The following FILIP1L variants were observed in gnomAD, a reference collection of about 807,000 sequenced individuals.
FILIP1L encodes filamin A interacting protein 1 like, also known as filamin A-interacting protein 1-like.
A neutral mutation model predicts 96.6 loss-of-function variants in FILIP1L; 55 were observed. That is an observed-to-expected ratio of 0.57 (90% CI 0.46 to 0.71). The LOEUF (loss-of-function observed/expected upper bound fraction) is 0.71, where lower values mean the gene tolerates loss of function less well. FILIP1L is among the 30% of genes least tolerant of loss of function. The pLI is 0.00. For synonymous variants in FILIP1L, 467 were observed against 473.9 expected (o/e 0.99, Z 0.19); for missense variants, 1,304 against 1,321.2 (o/e 0.99, Z 0.20).
intron 4 of FILIP1L, among the ~76,000 whole-genome samples, chr3:99,910,600 GT>G (rs1366442452): frequency 7.4e-6 from 1 of 136,008 alleles, no homozygotes; most frequent in East Asian, 2.0e-4. Flanking sequence ...GGAGTATTAT[GT>G]TTTAGCCCTT....
chr3:99,867,435 A>C (rs2107572737), intron 4 of FILIP1L, among the ~76,000 whole-genome samples: 1 of 152,220 alleles, frequency 6.6e-6, no homozygotes, highest in East Asian at 1.9e-4. Flanking sequence ...TTTTTGAAAA[A>C]AGCTCTGGCT....
At chr3:100,026,305 G>A (rs1196791576) in intron 1 of FILIP1L, among the ~76,000 whole-genome samples, 1 of 152,070 alleles carries the variant, frequency 6.6e-6, no homozygotes. Context: ...GTAGAACTTT[G>A]GGCAGGGATC....
intron 1 of FILIP1L, among the ~76,000 whole-genome samples, chr3:99,961,003 C>T (rs1399334248): frequency 6.6e-6 from 1 of 152,006 alleles, no homozygotes; most frequent in Non-Finnish European, 1.5e-5. Flanking sequence ...GTGTGCAGAT[C>T]GCAGGTTTTA....
chr3:100,062,093 CTTTTTTTTTTTTTT>C (rs71907944), intron 1 of FILIP1L, among the ~76,000 whole-genome samples: 367 of 53,148 alleles, frequency 6.9e-3, no homozygotes, highest in Non-Finnish European at 8.6e-3. Flanking sequence ...CTGTCTTCTT[CTTTTTTTTTTTTTT>C]TTTTTTTTTT....
rs572266079 is a variant in FILIP1L, at chr3:99,995,468, C to T, written c.-10-64438G>A. 2.6e-5 allele frequency among the ~76,000 whole-genome samples: 4 copies of T among 152,300 alleles called. No individual in the cohort carries two copies. The East Asian group carries it at 7.7e-4, about 29-fold the overall frequency. On this transcript the variant is annotated intron_variant, in intron 1 of 5. Transcript: ENST00000477258. ...CTGCTGCTTTTCCAGGAGCATGGTGCAAGCTGTTGGTGGATCTTCCATTCT... is the reference window on the plus strand; with the variant it reads ...CTGCTGCTTTTCCAGGAGCATGGTGTAAGCTGTTGGTGGATCTTCCATTCT...
intron 5 of FILIP1L, among the ~76,000 whole-genome samples, chr3:99,846,766 T>TCA (rs1943383225): frequency 5.3e-5 from 8 of 152,216 alleles, no homozygotes; most frequent in Admixed American, 5.2e-4. Flanking sequence ...AAGCTTCCTT[T>TCA]TATTCTTAAA....
intron 4 of FILIP1L, among the ~76,000 whole-genome samples, chr3:99,886,748 G>T (rs1705912437): frequency 6.6e-6 from 1 of 151,900 alleles, no homozygotes; most frequent in Non-Finnish European, 1.5e-5. Context: ...GAGGTTAGGA[G>T]TTCGAGACCA....
At chr3:100,087,731 A>G (rs746370696) in intron 1 of FILIP1L, among the ~76,000 whole-genome samples, 2 of 151,954 alleles carry the variant, frequency 1.3e-5, no homozygotes, top group Non-Finnish European at 2.9e-5. Flanking sequence ...TTTGAAGAAG[A>G]CCAATTGATC....
chr3:99,915,873 A>C (rs776630854), intron 4 of FILIP1L, among the ~76,000 whole-genome samples: 1 of 152,232 alleles, frequency 6.6e-6, no homozygotes, highest in Non-Finnish European at 1.5e-5. Context: ...GAAAACTCTT[A>C]TTAATTGTCA....
At chr3:99,950,249 G>A (rs1422501717) in intron 1 of FILIP1L, among the ~76,000 whole-genome samples, 2 of 152,076 alleles carry the variant, frequency 1.3e-5, no homozygotes, top group African/African-American at 4.8e-5. Flanking sequence ...CTATGTATCG[G>A]AAATAGACTA....
chr3:100,049,365 C>T (rs188392985), intron 1 of FILIP1L, among the ~76,000 whole-genome samples: 52 of 152,176 alleles, frequency 3.4e-4, no homozygotes, highest in African/African-American at 1.2e-3. Flanking sequence ...TTACCAAAGT[C>T]GATGAAGGAT....
intron 4 of FILIP1L, among the ~76,000 whole-genome samples, chr3:99,911,071 A>G (rs1706771941): frequency 6.6e-6 from 1 of 152,090 alleles, no homozygotes; most frequent in African/African-American, 2.4e-5. Context: ...TAATTAGCCA[A>G]TTTTAGGCTA....
At chr3:99,835,901 G>T (rs1347977532) in intron 5 of FILIP1L, among the ~76,000 whole-genome samples, 1 of 152,180 alleles carries the variant, frequency 6.6e-6, no homozygotes, top group Non-Finnish European at 1.5e-5. Context: ...AAAGGAAGAA[G>T]AGTATTTCAG....
intron 3 of FILIP1L, among the ~76,000 whole-genome samples, chr3:99,928,308 G>C (rs1360812331): frequency 6.6e-6 from 1 of 152,196 alleles, no homozygotes; most frequent in African/African-American, 2.4e-5. Flanking sequence ...TGTGTACGTG[G>C]AGTTATTTTG....
chr3:99,925,601 A>T (rs1192059908), intron 3 of FILIP1L, among the ~76,000 whole-genome samples: 1 of 152,180 alleles, frequency 6.6e-6, no homozygotes, highest in Non-Finnish European at 1.5e-5. Context: ...TTGATTAACA[A>T]AAGTAGGGAT....
chr3:100,059,373 T>TG (rs528468370), intron 1 of FILIP1L, among the ~76,000 whole-genome samples: 100 of 152,358 alleles, frequency 6.6e-4, no homozygotes, highest in African/African-American at 2.3e-3. Context: ...CCTGTGTCCT[T>TG]GTCCGTGGCT....
chr3:99,951,658 C>T (rs930394583), intron 1 of FILIP1L, among the ~76,000 whole-genome samples: 1 of 152,190 alleles, frequency 6.6e-6, no homozygotes, highest in Non-Finnish European at 1.5e-5. Flanking sequence ...ACAGTCCCCA[C>T]TATGTTGGGC....
At chr3:99,901,872 G>C (rs1218351571) in intron 4 of FILIP1L, among the ~76,000 whole-genome samples, 2 of 151,964 alleles carry the variant, frequency 1.3e-5, no homozygotes, top group Non-Finnish European at 2.9e-5. Flanking sequence ...TTTTGTGAGT[G>C]GTACCACCTG....
At chr3:100,014,295 A>G (rs926551893) in intron 1 of FILIP1L, among the ~76,000 whole-genome samples, 1 of 152,078 alleles carries the variant, frequency 6.6e-6, no homozygotes, top group African/African-American at 2.4e-5. Context: ...TAATGCTGCA[A>G]TGAATATGAG....
Sources: gnomAD v4.1 joint callset for allele counts (sites outside exome capture counted in the v4.1 genomes callset) on GRCh38, gnomAD v4.1.1 for gene constraint, MANE v1.5 for transcripts, NCBI Gene and HGNC (gene_info 2026-07-23, HGNC 2026-07-21) for gene names.